Variants in SLC18A1 observed in about 807,000 individuals in gnomAD.
SLC18A1 encodes the protein chromaffin granule amine transporter.
Under a neutral mutation model 53.7 loss-of-function variants are expected in SLC18A1, and 69 were observed. That is an observed-to-expected ratio of 1.28 (90% CI 1.06 to 1.57). The LOEUF is 1.57. Among genes scored for constraint, SLC18A1 ranks in the 40% most tolerant of loss-of-function variants. SLC18A1 has a pLI of 0.00. For synonymous variants in SLC18A1, 320 were observed against 248.1 expected, an observed-to-expected ratio of 1.29 and a Z score of -2.72; for missense variants, 932 against 668.1, an observed-to-expected ratio of 1.40 and a Z score of -4.35.
intron 15 of SLC18A1, 94 bp downstream of exon 15, chr8:20,147,164 A>T (rs2071421248): frequency 7.4e-7 from 1 of 1,343,602 alleles, no homozygotes; most frequent in South Asian, 1.4e-5. Flanking sequence ...AGAGCAATAG[A>T]GGGAGGAAAT....
intron 10 of SLC18A1, chr8:20,151,137 G>A: frequency 9.9e-6 from 1 of 101,490 alleles, no homozygotes; most frequent in South Asian, 2.7e-4. Context: ...ACACCTAGTT[G>A]TTTTTTTTTG....
chr8:20,171,239 A>C (rs17222148), intron 7 of SLC18A1, 93 bp from the exon 8 acceptor site: 81,487 of 1,426,258 alleles, frequency 0.057, 2,727 homozygotes, highest in Middle Eastern at 0.075. Context: ...TATTATGCAT[A>C]AATTTAACTC....
chr8:20,159,149 G>C (rs1021138229), intron 10 of SLC18A1, among the ~76,000 whole-genome samples: 2 of 152,112 alleles, frequency 1.3e-5, no homozygotes, highest in Non-Finnish European at 2.9e-5. Context: ...TGGCCTGCTA[G>C]CCCATGCTCC....
intron 10 of SLC18A1, among the ~76,000 whole-genome samples, chr8:20,155,264 G>T (rs1486108303): frequency 6.6e-6 from 1 of 152,156 alleles, no homozygotes; most frequent in East Asian, 1.9e-4. Context: ...AGTAATATTG[G>T]ATCACTTTTG....
chr8:20,182,249 A>G (rs2072448091), intron 1 of SLC18A1, among the ~76,000 whole-genome samples: 1 of 152,254 alleles, frequency 6.6e-6, no homozygotes, highest in South Asian at 2.1e-4. Context: ...ATGCAGCCAA[A>G]GACTTATACT....
At chr8:20,149,784 A>T (rs1018651175) in intron 11 of SLC18A1, 57 bp from the exon 12 acceptor site, 1 of 1,518,494 alleles carries the variant, frequency 6.6e-7, no homozygotes, top group South Asian at 1.1e-5. Flanking sequence ...CTCCACCTGT[A>T]CCCCATCACC....
At chr8:20,172,139 G>A (rs2072138825) in intron 6 of SLC18A1, among the ~76,000 whole-genome samples, 1 of 152,214 alleles carries the variant, frequency 6.6e-6, no homozygotes, top group Non-Finnish European at 1.5e-5. Flanking sequence ...ACACAAGAGG[G>A]AGGATGCTGC....
At chr8:20,176,984 C>A (rs954640760) in intron 4 of SLC18A1, among the ~76,000 whole-genome samples, 4 of 151,984 alleles carry the variant, frequency 2.6e-5, no homozygotes, top group Non-Finnish European at 5.9e-5. Flanking sequence ...CTTCTGATAG[C>A]TGGAATCATG....
intron 5 of SLC18A1, 34 bp from the exon 6 acceptor site, chr8:20,173,162 T>A: frequency 6.7e-7 from 1 of 1,503,162 alleles, no homozygotes; most frequent in Non-Finnish European, 9.0e-7. Flanking sequence ...GCTGGCCCCC[T>A]GGGGGGCTTC....
At chr8:20,171,681 A>AGTGTGT (rs111983026) in intron 6 of SLC18A1, among the ~76,000 whole-genome samples, 187 bp from the exon 7 acceptor site, 4,441 of 146,988 alleles carry the variant, frequency 0.03, 109 homozygotes, top group East Asian at 0.084. Flanking sequence ...TAGTGGAGGA[A>AGTGTGT]GTGTGTGTGT....
intron 8 of SLC18A1, among the ~76,000 whole-genome samples, chr8:20,166,190 A>G (rs2071952788): frequency 6.6e-6 from 1 of 151,098 alleles, no homozygotes. Context: ...ATTTATAACT[A>G]TAAAATACTG....
chr8:20,177,249 A>G (rs1355252529), intron 4 of SLC18A1, among the ~76,000 whole-genome samples: 1 of 152,232 alleles, frequency 6.6e-6, no homozygotes, highest in African/African-American at 2.4e-5. Flanking sequence ...TCACATCTCA[A>G]GTTCTTGCAG....
rs929112910 is a variant in SLC18A1, at chr8:20,144,952, T to G, written c.*811A>C. ...ACAATCAGGAGGGATTTCAAGGCAG[T>G]TTCTTTTAACTTCTTCCCATGAAAT... On this transcript the variant is annotated 3_prime_UTR_variant, in exon 16 of 16. Coordinates refer to ENST00000276373, the MANE Select transcript of SLC18A1 (RefSeq NM_003053.4). 1 of 152,116 alleles carries G rather than the reference T, an allele frequency of 6.6e-6. No homozygotes were observed. The highest frequency in any genetic ancestry group is 2.4e-5 in the African/African-American group (1 of 41,410). 9.4% of individuals were successfully genotyped at this position (152,116 alleles called of 1,614,324 possible).
At chr8:20,148,387 T>A in intron 12 of SLC18A1, 1 of 1,124,568 alleles carries the variant, frequency 8.9e-7, no homozygotes, top group South Asian at 1.4e-5. Flanking sequence ...CCATGGATAC[T>A]TTCTCCCCTT....
Position 20,174,403 on chromosome 8 carries a change from G to T in SLC18A1, c.589C>A (p.Arg197=), listed in dbSNP as rs778223068. Residue 197 remains arginine (R), a synonymous_variant, in exon 5 of 16, where the codon CGA becomes AGA. Transcript: ENST00000276373. ...SGTYTLLFVA[R]TLQGIGSSFS... is the part of the protein sequence containing the mutation. ...GAAGATCCAATGCCTTGAAGGGTTC[G>T]GGCCACAAAGAGTAGAGTATAGGTC... The T allele has an allele frequency of 1.2e-6, 2 of 1,613,976 alleles. No individual in the cohort carries two copies. The highest frequency in any genetic ancestry group is 2.7e-5 in the African/African-American group (2 of 74,998).
At chr8:20,161,845 C>T (rs1466210020) in intron 10 of SLC18A1, among the ~76,000 whole-genome samples, 1 of 152,170 alleles carries the variant, frequency 6.6e-6, no homozygotes, top group Non-Finnish European at 1.5e-5. Flanking sequence ...TGTCTGTGGT[C>T]TTTCCGGGCT....
Position 20,150,672 on chromosome 8 carries a change from A to T in SLC18A1, c.1088T>A (p.Met363Lys), listed in dbSNP as rs2071529127. 2 of 1,614,054 alleles carry T rather than the reference A, an allele frequency of 1.2e-6. No homozygotes were observed. Among genetic ancestry groups the T allele is most frequent in the East Asian group, 4.5e-5 (2 of 44,870 alleles). Residue 363 changes from methionine to lysine, a missense_variant, in exon 11 of 16, where the codon ATG becomes AAG. Met to Lys is a moderately conservative substitution (Grantham distance 95). Transcript: ENST00000276373. ...AGATCCCGAGGCTACATACCGACCC[A>T]TCTTGTTGGCCAACACACCAAAGAG... ...TNLFGVLANK[M>K]GRWLCSLIGM...
Position 20,147,646 on chromosome 8 carries a change from G to A in SLC18A1, c.1287C>T (p.Val429=). Residue 429 remains valine, a synonymous_variant, in exon 14 of 16, where the codon GTC becomes GTT. Transcript: ENST00000276373. ...AAAAAGCCACATCAGCGATGGCGTA[G>A]ACACTCCCATACACCGAGGTGTGGC... ...DLRHTSVYGS[V]YAIADVAFCM... is the part of the protein sequence containing the mutation. 1 of 1,614,130 alleles carries A rather than the reference G, an allele frequency of 6.2e-7. No individual in the cohort carries two copies. The highest frequency in any genetic ancestry group is 8.5e-7 in the Non-Finnish European group (1 of 1,180,006).
At chr8:20,148,533 A>G (rs59942399) in intron 12 of SLC18A1, 2 of 1,223,806 alleles carry the variant, frequency 1.6e-6, no homozygotes, top group South Asian at 1.3e-5. Flanking sequence ...GAAAAAGAAG[A>G]TAGAGAAGAG....
Sources: gnomAD v4.1 joint callset for allele counts (sites outside exome capture counted in the v4.1 genomes callset) on GRCh38, gnomAD v4.1.1 for gene constraint, MANE v1.5 for transcripts, NCBI Gene and HGNC (gene_info 2026-07-23, HGNC 2026-07-21) for gene names.